The following LIAS variants were observed in gnomAD, a reference collection of about 807,000 sequenced individuals.
The protein encoded by LIAS is lipoic acid synthetase, also known as lipoyl synthase, mitochondrial.
In LIAS, 36 loss-of-function variants were observed where a neutral mutation model predicts 49.4. The ratio of observed to expected loss-of-function variants is 0.73; its 90% CI spans 0.56 to 0.96. The LOEUF (loss-of-function observed/expected upper bound fraction) is 0.96, where lower values mean the gene tolerates loss of function less well. LIAS is among the 40% of genes least tolerant of loss of function. The pLI is 0.00. For missense variants in LIAS, 399 were observed against 456.3 expected (o/e 0.87, Z 1.14); for synonymous variants, 145 against 155.8 (o/e 0.93, Z 0.52).
chr4:39,468,643 C>A (rs1285240975), intron 7 of LIAS, among the ~76,000 whole-genome samples: 1 of 147,232 alleles, frequency 6.8e-6, no homozygotes, highest in African/African-American at 2.5e-5. Context: ...CTTTGGGAGG[C>A]CGAGGCGGGC....
intron 2 of LIAS, among the ~76,000 whole-genome samples, chr4:39,461,447 C>T (rs1337883112): frequency 6.6e-6 from 1 of 152,216 alleles, no homozygotes; most frequent in African/African-American, 2.4e-5. Context: ...GATACACAGT[C>T]TCCAGTCCAA....
intron 10 of LIAS, 107 bp from the exon 11 acceptor site, chr4:39,476,956 A>T: frequency 1.4e-6 from 1 of 718,518 alleles, no homozygotes; most frequent in Non-Finnish European, 2.3e-6. Flanking sequence ...CAATAAATAC[A>T]AAAGTCTTCT....
intron 6 of LIAS, 58 bp from the exon 7 acceptor site, chr4:39,467,460 G>T: frequency 6.8e-7 from 1 of 1,461,058 alleles, no homozygotes; most frequent in Non-Finnish European, 9.1e-7. Flanking sequence ...TTTCTATTTT[G>T]AGGAACAGGT....
chr4:39,467,232 A>G, intron 6 of LIAS: 1 of 178,692 alleles, frequency 5.6e-6, no homozygotes. Flanking sequence ...TACTTTTTCT[A>G]AAACCTACTT....
At chr4:39,476,829 T>TA in intron 10 of LIAS, 1 of 445,300 alleles carries the variant, frequency 2.2e-6, no homozygotes, top group South Asian at 2.8e-5. Flanking sequence ...ATTGGCTTAC[T>TA]AGAAAGAATA....
Position 39,465,060 on chromosome 4 carries a change from A to G in LIAS, c.408A>G (p.Thr136=). 6.2e-7 allele frequency: 1 copy of G among 1,613,726 alleles called. No homozygotes were observed. The highest frequency in any genetic ancestry group is 8.5e-7 in the Non-Finnish European group (1 of 1,179,778). ...TTCTATTCTAGTTGATGGGTGACAC[A>G]TGTACAAGAGGTTGCAGATTTTGTT... The part of the protein sequence containing the change: ...ATATIMLMGD[T]CTRGCRFCSV... The change falls in exon 5 of 11, where the codon ACA becomes ACG. Residue 136 remains threonine, a synonymous_variant. Transcript: ENST00000640888.
intron 2 of LIAS, among the ~76,000 whole-genome samples, 169 bp from the exon 3 acceptor site, chr4:39,462,027 C>G (rs1744525045): frequency 6.6e-6 from 1 of 152,110 alleles, no homozygotes; most frequent in Admixed American, 6.5e-5. Flanking sequence ...TTGAGCAAGG[C>G]TAAATTTGAT....
rs1578249027 is a variant in LIAS, at chr4:39,477,591, TG to T, written c.*478del. On this transcript the variant is annotated 3_prime_UTR_variant, in exon 11 of 11. Transcript: ENST00000640888. ...ACAAATTTAATTACAGTAATTCATT[TG>T]GCTTTTAGTGTATCTTCTTTGTCCC... 1 of 153,312 alleles carries T rather than the reference TG, an allele frequency of 6.5e-6. No individual in the cohort carries two copies. The highest frequency in any genetic ancestry group is 2.4e-5 in the African/African-American group (1 of 41,468). 9.5% of individuals were successfully genotyped at this position (153,312 alleles called of 1,614,324 possible).
chr4:39,463,824 T>TTAACTATCACATAA, intron 4 of LIAS: 3 of 964,974 alleles, frequency 3.1e-6, no homozygotes, highest in Non-Finnish European at 4.1e-6. Flanking sequence ...ATTTATGTGA[T>TTAACTATCACATAA]AGTTAATCAC....
At chr4:39,473,244 G>A (rs754838699) in intron 10 of LIAS, 33 bp downstream of exon 10, 32 of 1,325,870 alleles carry the variant, frequency 2.4e-5, no homozygotes, top group Middle Eastern at 1.8e-4. Context: ...GTTTCATTTA[G>A]GCCGTTAACT....
intron 7 of LIAS, 185 bp from the exon 8 acceptor site, chr4:39,469,834 T>C (rs1373634453): frequency 2.2e-6 from 1 of 459,664 alleles, no homozygotes; most frequent in African/African-American, 2.0e-5. Context: ...GAGATAGAAC[T>C]AGGGAGCCCA....
chr4:39,473,302 T>A, intron 10 of LIAS, 91 bp downstream of exon 10: 1 of 799,480 alleles, frequency 1.3e-6, no homozygotes, highest in Non-Finnish European at 2.1e-6. Flanking sequence ...TGACAAATTC[T>A]AATACCTTTG....
Position 39,478,054 on chromosome 4 carries a change from A to G in LIAS, c.*939A>G, listed in dbSNP as rs969283524. The G allele has an allele frequency of 1.3e-5, 2 of 152,274 alleles. No individual in the cohort carries two copies. Among genetic ancestry groups the G allele is most frequent in the Admixed American group, 1.3e-4 (2 of 15,282 alleles). 9.4% of individuals were successfully genotyped at this position (152,274 alleles called of 1,614,324 possible). On this transcript the variant is annotated 3_prime_UTR_variant, in exon 11 of 11. Transcript: ENST00000640888. The stretch of plus-strand genomic sequence containing the variant: ...TCATTACATTTCATTTATGAAAAAT[A>G]AAAACTTCATTTATGTTACTGTGAT...
At chr4:39,466,497 T>G (rs1447224871) in intron 6 of LIAS, 3 of 152,030 alleles carry the variant, frequency 2.0e-5, no homozygotes, top group Non-Finnish European at 4.4e-5. Flanking sequence ...AGCAGGAAGA[T>G]TGCTTGAGGA....
intron 1 of LIAS, 99 bp from the exon 2 acceptor site, chr4:39,460,691 C>T (rs1198142445): frequency 2.2e-6 from 2 of 925,316 alleles, no homozygotes; most frequent in Non-Finnish European, 3.2e-6. Context: ...TTCTGAATCA[C>T]TTTTTTGGCT....
At chr4:39,465,865 G>T (rs1032088878) in intron 6 of LIAS, among the ~76,000 whole-genome samples, 2 of 152,032 alleles carry the variant, frequency 1.3e-5, no homozygotes, top group Non-Finnish European at 2.9e-5. Context: ...GACCATGTTG[G>T]CCAGGATGGT....
chr4:39,471,325 G>C lies in LIAS; in HGVS notation c.954+19G>C. ...CCTTAAGGTACATGTATCTTGATTT[G>C]CTTTTTTTTTTTTTTTTTATTTTTA... is the stretch of plus-strand genomic sequence containing the variant. On this transcript the variant is annotated intron_variant, in intron 9 of 10. Coordinates refer to ENST00000640888, the MANE Select transcript of LIAS (RefSeq NM_006859.4). 7.5e-7 allele frequency: 1 copy of C among 1,331,464 alleles called. No homozygotes were observed. Among genetic ancestry groups the C allele is most frequent in the Non-Finnish European group, 1.0e-6 (1 of 1,001,338 alleles). 82.5% of individuals were successfully genotyped at this position (1,331,464 alleles called of 1,614,324 possible).
intron 2 of LIAS, 70 bp downstream of exon 2, chr4:39,461,032 G>A: frequency 1.5e-6 from 2 of 1,303,474 alleles, no homozygotes; most frequent in Non-Finnish European, 2.1e-6. Flanking sequence ...ATATAACCAA[G>A]CCCTAGAATC....
Position 39,473,188 on chromosome 4 carries a change from T to G in LIAS, c.1043T>G (p.Leu348Trp). 1 of 1,611,332 alleles carries G rather than the reference T, an allele frequency of 6.2e-7. No individual in the cohort carries two copies. The highest frequency in any genetic ancestry group is 8.5e-7 in the Non-Finnish European group (1 of 1,177,456). Residue 348 changes from leucine to tryptophan, a missense_variant, in exon 10 of 11, where the codon TTG (leucine) becomes TGG (tryptophan). By Grantham distance (61) the Leu-to-Trp change is moderately conservative. This residue lies in a region of LIAS where 234 missense variants were observed against 292.2 expected (regional missense o/e 0.80). Coordinates refer to ENST00000640888, the MANE Select transcript of LIAS (RefSeq NM_006859.4). ...LGFHYTASGP[L>W]VRSSYKAGEF... ...TTTCATTATACTGCAAGTGGCCCTT[T>G]GGTGCGTTCTTCATATAAAGCAGGT...
Sources: gnomAD v4.1 joint callset for allele counts (sites outside exome capture counted in the v4.1 genomes callset) on GRCh38, gnomAD v4.1.1 for gene constraint, gnomAD v4.1.1 regional missense constraint, MANE v1.5 for transcripts, NCBI Gene and HGNC (gene_info 2026-07-23, HGNC 2026-07-21) for gene names.